Variants in ARHGAP35 observed in about 807,000 individuals in gnomAD.
ARHGAP35 encodes the protein Rho GTPase activating protein 35, also known as rho GTPase-activating protein 35.
A neutral mutation model predicts 111.1 loss-of-function variants in ARHGAP35; 15 were observed. The ratio of observed to expected loss-of-function variants is 0.13; its 90% CI spans 0.09 to 0.21. The LOEUF is 0.21. Among genes scored for constraint, ARHGAP35 ranks in the 10% least tolerant of loss-of-function variants. The probability of loss-of-function intolerance (pLI) is 1.00; values close to 1 mark genes in which losing one functional copy is unlikely to be tolerated. For missense variants in ARHGAP35, 1,262 were observed against 1,873.0 expected (o/e 0.67, Z 6.02); for synonymous variants, 643 against 710.3 (o/e 0.91, Z 1.51).
At position 46,959,816 on chromosome 19, in the gene ARHGAP35, G is replaced by A. The variant is rs137938336; in HGVS notation, c.3826+22408G>A. Among the ~76,000 whole-genome samples the A allele has an allele frequency of 1.4e-3, 217 of 150,622 alleles. 1 individual carries two copies. Among genetic ancestry groups the A allele is most frequent in the African/African-American group, 5.1e-3 (208 of 40,898 alleles). The stretch of plus-strand genomic sequence containing the variant: ...ATTTAAAGGTAACTCGAAGCCAGGT[G>A]CGAGTGTGGTGGCTCCAGCCTGTAA... On this transcript the variant is annotated intron_variant, in intron 3 of 6. Transcript: ENST00000672722.
At chr19:46,937,098 C>T (rs1232392919) in intron 2 of ARHGAP35, among the ~76,000 whole-genome samples, 166 bp from the exon 3 acceptor site, 1 of 152,152 alleles carries the variant, frequency 6.6e-6, no homozygotes, top group African/African-American at 2.4e-5. Context: ...CCTCGGCCTC[C>T]CAAAGTGCTG....
intron 3 of ARHGAP35, among the ~76,000 whole-genome samples, chr19:46,972,469 T>C (rs574354454): frequency 1.3e-5 from 2 of 152,346 alleles, no homozygotes; most frequent in East Asian, 3.9e-4. Flanking sequence ...CCCAGATTGC[T>C]TAATCTAACT....
intron 1 of ARHGAP35, among the ~76,000 whole-genome samples, chr19:46,900,222 GTT>G (rs373787596): frequency 1.6e-5 from 2 of 128,656 alleles, no homozygotes; most frequent in Non-Finnish European, 3.2e-5. Flanking sequence ...TGTTTTTTGG[GTT>G]TTTTTTTTTT....
Position 46,926,783 on chromosome 19 carries a change from C to T in ARHGAP35, c.3681+4427C>T, listed in dbSNP as rs542616490. 6.6e-6 allele frequency among the ~76,000 whole-genome samples: 1 copy of T among 152,266 alleles called. No individual in the cohort carries two copies. Among genetic ancestry groups the T allele is most frequent in the South Asian group, 2.1e-4 (1 of 4,822 alleles). On this transcript the variant is annotated intron_variant, in intron 2 of 6. Coordinates refer to ENST00000672722, the MANE Select transcript of ARHGAP35 (RefSeq NM_004491.5). The surrounding 1 kb of genome is among the most constrained non-coding windows in gnomAD (Gnocchi z 4.1). ...AACCAGTTTGACAGTTTGTGTCCCCCCCTAGTGAATTGGCTTATTTCATTG... is the reference window on the plus strand; with the variant it reads ...AACCAGTTTGACAGTTTGTGTCCCCTCCTAGTGAATTGGCTTATTTCATTG...
At chr19:46,929,591 C>CTTTTTTTTTTTT (rs55818906) in intron 2 of ARHGAP35, among the ~76,000 whole-genome samples, 6 of 93,054 alleles carry the variant, frequency 6.4e-5, no homozygotes, top group Non-Finnish European at 1.3e-4. Flanking sequence ...ACCTGTTACT[C>CTTTTTTTTTTTT]TTTTTTTTTT....
intron 1 of ARHGAP35, among the ~76,000 whole-genome samples, chr19:46,902,122 A>G (rs1188867397): frequency 5.3e-5 from 8 of 152,268 alleles, no homozygotes; most frequent in Admixed American, 6.5e-5. Flanking sequence ...ATTTGAGCTG[A>G]TTTGATTACT....
intron 2 of ARHGAP35, among the ~76,000 whole-genome samples, chr19:46,927,134 T>C (rs1179749098): frequency 1.3e-5 from 2 of 152,100 alleles, no homozygotes; most frequent in East Asian, 3.9e-4. Context: ...CCTGGAAAAA[T>C]TGTGTCTTTT....
chr19:46,877,288 C>T (rs545352191), intron 1 of ARHGAP35, among the ~76,000 whole-genome samples: 87 of 145,690 alleles, frequency 6.0e-4, no homozygotes, highest in African/African-American at 2.1e-3. Flanking sequence ...TTTGGCTGGG[C>T]GCAGTGGGTC....
At chr19:46,882,135 T>TC (rs2055965631) in intron 1 of ARHGAP35, among the ~76,000 whole-genome samples, 1 of 151,082 alleles carries the variant, frequency 6.6e-6, no homozygotes, top group African/African-American at 2.4e-5. Context: ...CTTCTTTCTT[T>TC]CCCTTTTTTT....
Position 46,994,237 on chromosome 19 carries a change from G to A in ARHGAP35, c.4036+4562G>A, listed in dbSNP as rs1339672586. Among the ~76,000 whole-genome samples the A allele has an allele frequency of 3.9e-5, 6 of 152,148 alleles. No homozygotes were observed. Among genetic ancestry groups the A allele is most frequent in the South Asian group, 2.1e-4 (1 of 4,830 alleles). The stretch of plus-strand genomic sequence containing the variant: ...CACCAGGGAGCCCATTGCCCCTGCT[G>A]TTTCTTTGGCCAGTGTAGACACCTG... On this transcript the variant is annotated intron_variant, in intron 5 of 6. Coordinates refer to ENST00000672722, the MANE Select transcript of ARHGAP35 (RefSeq NM_004491.5). This position sits in a 1 kb window ranked among gnomAD's most constrained non-coding sequence, Gnocchi z 5.4.
chr19:46,978,706 TGTGTGTGGTGGG>T (rs1326178731), intron 3 of ARHGAP35, among the ~76,000 whole-genome samples: 49 of 89,864 alleles, frequency 5.5e-4, no homozygotes, highest in South Asian at 1.2e-3. Flanking sequence ...TGGTGGGGCA[TGTGTGTGGTGGG>T]ATGTGTGTGT....
chr19:46,889,465 C>A (rs959823877), intron 1 of ARHGAP35, among the ~76,000 whole-genome samples: 5 of 151,132 alleles, frequency 3.3e-5, no homozygotes, highest in African/African-American at 1.2e-4. Context: ...CTCAAAAAAA[C>A]AAAAACAAAG....
Position 46,921,962 on chromosome 19 carries a change from A to T in ARHGAP35, c.3287A>T (p.Lys1096Met), listed in dbSNP as rs751909504. 1 of 1,614,020 alleles carries T rather than the reference A, an allele frequency of 6.2e-7. No individual in the cohort carries two copies. Among genetic ancestry groups the T allele is most frequent in the Non-Finnish European group, 8.5e-7 (1 of 1,179,892 alleles). ...DYAEPMDAVV[K>M]PRNEEENIYS... ...GCTGAACCCATGGATGCTGTGGTGAAGCCAAGGAATGAAGAAGAAAACATA... is the reference window on the plus strand; with the variant it reads ...GCTGAACCCATGGATGCTGTGGTGATGCCAAGGAATGAAGAAGAAAACATA... The change falls in exon 2 of 7, where the codon AAG becomes ATG. Residue 1096 changes from lysine to methionine, a missense_variant. Lys to Met is a moderately conservative substitution (Grantham distance 95). This residue lies in a region of ARHGAP35 where 579 missense variants were observed against 716.9 expected (regional missense o/e 0.81). Coordinates refer to ENST00000672722, the MANE Select transcript of ARHGAP35 (RefSeq NM_004491.5). This position sits in a 1 kb window ranked among gnomAD's most constrained non-coding sequence, Gnocchi z 4.3.
intron 3 of ARHGAP35, among the ~76,000 whole-genome samples, chr19:46,951,355 T>G (rs2056411951): frequency 1.3e-5 from 2 of 152,194 alleles, no homozygotes; most frequent in African/African-American, 2.4e-5. Context: ...CGAAAGGAAC[T>G]GTGGGACGTG....
chr19:46,996,883 T>G (rs969489602), intron 5 of ARHGAP35, among the ~76,000 whole-genome samples: 1 of 151,988 alleles, frequency 6.6e-6, no homozygotes, highest in Non-Finnish European at 1.5e-5. Context: ...CATGGCCGGG[T>G]GCGGTGGCTC....
chr19:46,931,728 A>G (rs1217924616), intron 2 of ARHGAP35, among the ~76,000 whole-genome samples: 1 of 152,150 alleles, frequency 6.6e-6, no homozygotes, highest in African/African-American at 2.4e-5. Flanking sequence ...TCCTTTGTGT[A>G]TGGCAGTGGC....
chr19:46,891,869 C>A (rs1312322870), intron 1 of ARHGAP35, among the ~76,000 whole-genome samples: 1 of 152,078 alleles, frequency 6.6e-6, no homozygotes, highest in Admixed American at 6.6e-5. Flanking sequence ...TGGCCAGGCG[C>A]GATGGCTCAC....
intron 2 of ARHGAP35, among the ~76,000 whole-genome samples, chr19:46,925,568 C>T (rs908767613): frequency 8.5e-5 from 13 of 152,170 alleles, no homozygotes; most frequent in Non-Finnish European, 1.9e-4. Context: ...CCCTTCTTGC[C>T]CAGACCTTAG....
intron 1 of ARHGAP35, among the ~76,000 whole-genome samples, chr19:46,867,696 C>T (rs879085064): frequency 6.6e-6 from 1 of 152,030 alleles, no homozygotes; most frequent in Admixed American, 6.6e-5. Context: ...GCAAAAATAC[C>T]TTGTACTTGG....
Sources: allele counts gnomAD v4.1 joint callset (sites outside exome capture counted in the v4.1 genomes callset), GRCh38; gene constraint gnomAD v4.1.1; regional missense constraint gnomAD v4.1.1; non-coding constraint Gnocchi (gnomAD v3.1); transcripts MANE v1.5; gene names NCBI Gene and HGNC (gene_info 2026-07-23, HGNC 2026-07-21).